Variants in STX8 observed in about 807,000 individuals in gnomAD.
The protein encoded by STX8 is syntaxin-8.
In STX8, 23 loss-of-function variants were observed where a neutral mutation model predicts 37.5. That is an observed-to-expected ratio of 0.61 (90% CI 0.44 to 0.87). The LOEUF is 0.87. Ranked by LOEUF, STX8 falls within the 40% of genes least tolerant of loss-of-function variation. STX8 has a pLI of 0.00. For missense variants in STX8, 313 were observed against 284.7 expected (o/e 1.10, Z -0.71); for synonymous variants, 115 against 99.1 (o/e 1.16, Z -0.95).
At chr17:9,555,938 G>A (rs1482403837) in intron 3 of STX8, among the ~76,000 whole-genome samples, 3 of 151,880 alleles carry the variant, frequency 2.0e-5, no homozygotes, top group African/African-American at 7.3e-5. Context: ...GGTGCAGTGA[G>A]TATATTAGGA....
intron 6 of STX8, among the ~76,000 whole-genome samples, chr17:9,386,628 T>C (rs1371921609): frequency 6.6e-6 from 1 of 151,550 alleles, no homozygotes; most frequent in East Asian, 1.9e-4. Context: ...AATAACAAAA[T>C]TTCAGACCTG....
chr17:9,294,650 C>T (rs1222969784), intron 7 of STX8, among the ~76,000 whole-genome samples: 2 of 152,248 alleles, frequency 1.3e-5, no homozygotes, highest in East Asian at 3.9e-4. Context: ...ATTGATGAAA[C>T]ATAAGGAAGA....
In STX8 at chr17:9,503,138, C is replaced by G. The variant is rs563238588; in HGVS notation, c.448+1900G>C. On this transcript the variant is annotated intron_variant, in intron 5 of 7. Transcript: ENST00000306357. ...AAAAAAAAAAAAAAAGAGTGAAATA[C>G]TGATACACATAACCAGTTCAATGAA... 1.2e-3 allele frequency among the ~76,000 whole-genome samples: 155 copies of G among 127,290 alleles called. 1 individual carries two copies. The highest frequency in any genetic ancestry group is 4.8e-3 in the African/African-American group (151 of 31,640). The allele number at this position is 127,290 out of a possible 152,430, so 83.5% of individuals were successfully genotyped here. A position where few individuals can be genotyped will look rare whatever the true frequency, so the allele number is the denominator to read the frequency against.
At chr17:9,570,868 C>T (rs1308627748) in intron 1 of STX8, among the ~76,000 whole-genome samples, 1 of 151,970 alleles carries the variant, frequency 6.6e-6, no homozygotes, top group African/African-American at 2.4e-5. Context: ...GAGGTTACAT[C>T]TGGATGACCA....
At position 9,427,773 on chromosome 17, in the gene STX8, T is replaced by C. The variant is rs554819841; in HGVS notation, c.542-49120A>G. Among the ~76,000 whole-genome samples the C allele has an allele frequency of 1.1e-4, 17 of 152,286 alleles. 1 individual carries two copies. The East Asian group carries it at 3.3e-3, about 29-fold the overall frequency. On this transcript the variant is annotated intron_variant, in intron 6 of 7. Transcript: ENST00000306357. ...CTGGGAGCCCAGAGTCCTAGAAGGC[T>C]AGCGGGTGCCTGTCCTGGAGAGAAA...
intron 6 of STX8, among the ~76,000 whole-genome samples, chr17:9,406,602 A>G (rs2142327282): frequency 6.6e-6 from 1 of 152,308 alleles, no homozygotes; most frequent in East Asian, 1.9e-4. Flanking sequence ...GTTTGTGTGC[A>G]TCTGTTTTGA....
intron 1 of STX8, among the ~76,000 whole-genome samples, chr17:9,575,030 T>C (rs754555801): frequency 1.3e-5 from 2 of 152,222 alleles, no homozygotes; most frequent in Non-Finnish European, 2.9e-5. Flanking sequence ...AGAGCTGTAA[T>C]ATGTTTTTAA....
At position 9,405,286 on chromosome 17, in the gene STX8, T is replaced by C. The variant is rs141697229; in HGVS notation, c.542-26633A>G. On this transcript the variant is annotated intron_variant, in intron 6 of 7. Coordinates refer to ENST00000306357, the MANE Select transcript of STX8 (RefSeq NM_004853.3). The stretch of plus-strand genomic sequence containing the variant: ...TGACCCCCTGATCTAGAGTCTGAAT[T>C]AGAGACCTTGGGTTTGGAAGCAAGT... 5.9e-5 allele frequency among the ~76,000 whole-genome samples: 9 copies of C among 152,246 alleles called. No homozygotes were observed. The East Asian group carries it at 1.7e-3, about 29-fold the overall frequency.
chr17:9,262,176 C>T (rs1029914120), intron 7 of STX8, among the ~76,000 whole-genome samples: 13 of 152,316 alleles, frequency 8.5e-5, no homozygotes, highest in South Asian at 2.1e-4. Context: ...TTGACCAACA[C>T]GCAAAAGACT....
chr17:9,334,801 G>A (rs955999629), intron 7 of STX8, among the ~76,000 whole-genome samples: 6 of 152,130 alleles, frequency 3.9e-5, no homozygotes, highest in African/African-American at 1.2e-4. Flanking sequence ...GCATAAATGA[G>A]CACATAAGAC....
At chr17:9,480,343 T>C (rs1485823885) in intron 6 of STX8, among the ~76,000 whole-genome samples, 2 of 152,204 alleles carry the variant, frequency 1.3e-5, no homozygotes, top group African/African-American at 4.8e-5. Context: ...TTAGGAAAAA[T>C]ACCTTACTAT....
chr17:9,318,312 C>T (rs1211593556), intron 7 of STX8, among the ~76,000 whole-genome samples: 1 of 151,434 alleles, frequency 6.6e-6, no homozygotes, highest in African/African-American at 2.4e-5. Context: ...TGATGTTCCC[C>T]ACCCAGGACA....
intron 7 of STX8, among the ~76,000 whole-genome samples, chr17:9,316,511 T>C (rs1268037027): frequency 6.6e-6 from 1 of 152,150 alleles, no homozygotes; most frequent in African/African-American, 2.4e-5. Flanking sequence ...AACCCAAAAG[T>C]ACAGGGTTTG....
intron 6 of STX8, among the ~76,000 whole-genome samples, chr17:9,413,926 C>T (rs1913064124): frequency 6.6e-6 from 1 of 152,090 alleles, no homozygotes; most frequent in African/African-American, 2.4e-5. Context: ...AACCGTCCAT[C>T]CACCCATCCG....
At chr17:9,260,787 C>T (rs1478155488) in intron 7 of STX8, among the ~76,000 whole-genome samples, 4 of 152,138 alleles carry the variant, frequency 2.6e-5, no homozygotes, top group Non-Finnish European at 5.9e-5. Context: ...GAAACTCAGC[C>T]CTCTCCCCAG....
chr17:9,412,496 C>T (rs1309931726), intron 6 of STX8, among the ~76,000 whole-genome samples: 2 of 152,166 alleles, frequency 1.3e-5, no homozygotes, highest in African/African-American at 4.8e-5. Context: ...TCAGGCTGGT[C>T]TCAAACTCCC....
chr17:9,309,189 A>C (rs1484074544), intron 7 of STX8, among the ~76,000 whole-genome samples: 1 of 152,138 alleles, frequency 6.6e-6, no homozygotes, highest in Non-Finnish European at 1.5e-5. Flanking sequence ...CTATCTCTAG[A>C]AGGACATTTT....
chr17:9,330,411 G>C (rs563347585), intron 7 of STX8, among the ~76,000 whole-genome samples: 3 of 152,226 alleles, frequency 2.0e-5, no homozygotes, highest in African/African-American at 7.2e-5. Flanking sequence ...CTGGAGCCAG[G>C]CTCTAACCAC....
chr17:9,279,418 A>G (rs560630455), intron 7 of STX8, among the ~76,000 whole-genome samples: 1 of 152,322 alleles, frequency 6.6e-6, no homozygotes, highest in African/African-American at 2.4e-5. Context: ...CCTGACGCTC[A>G]GAAGCATTAA....
Sources: allele counts gnomAD v4.1 joint callset (sites outside exome capture counted in the v4.1 genomes callset), GRCh38; gene constraint gnomAD v4.1.1; transcripts MANE v1.5; gene names NCBI Gene and HGNC (gene_info 2026-07-23, HGNC 2026-07-21).